LRRC8C: variants seen among roughly 807,000 people sequenced by gnomAD.
LRRC8C encodes the protein volume-regulated anion channel subunit LRRC8C.
Under a neutral mutation model 55.3 loss-of-function variants are expected in LRRC8C, and 20 were observed. The observed-to-expected ratio is 0.36, with a 90% confidence interval of 0.25 to 0.53. LRRC8C has a LOEUF of 0.53. LRRC8C is among the 20% of genes least tolerant of loss of function. LRRC8C has a pLI of 0.92. For missense variants in LRRC8C, 659 were observed against 951.4 expected, an observed-to-expected ratio of 0.69 and a Z score of 4.04; for synonymous variants, 376 against 360.7, an observed-to-expected ratio of 1.04 and a Z score of -0.48.
At chr1:89,659,061 TTGTGTGTGTG>T (rs71084956) in intron 1 of LRRC8C, among the ~76,000 whole-genome samples, 14 of 53,974 alleles carry the variant, frequency 2.6e-4, no homozygotes, top group Non-Finnish European at 5.4e-4. Flanking sequence ...TTTTTTTTTT[TTGTGTGTGTG>T]TGTGTGTGTG....
At chr1:89,622,655 A>C in the LRRC8C span, among the ~76,000 whole-genome samples, 2 of 152,016 alleles carry the variant, frequency 1.3e-5, no homozygotes, top group African/African-American at 4.8e-5. Context: ...CTTTAACATC[A>C]TGCCTGACGT....
chr1:89,632,247 G>A (rs1428826022), upstream of LRRC8C: 1 of 152,194 alleles, frequency 6.6e-6, no homozygotes, highest in Non-Finnish European at 1.5e-5. Context: ...AGAAAAGCAC[G>A]GTTCAGATCA....
At chr1:89,657,042 A>T (rs1160910566) in intron 1 of LRRC8C, among the ~76,000 whole-genome samples, 1 of 152,206 alleles carries the variant, frequency 6.6e-6, no homozygotes, top group Non-Finnish European at 1.5e-5. Context: ...CTGGCTATAA[A>T]ACATACATTG....
the LRRC8C span, among the ~76,000 whole-genome samples, chr1:89,623,137 A>G: frequency 5.5e-5 from 7 of 126,938 alleles, no homozygotes; most frequent in Admixed American, 8.8e-5. Context: ...GAAGCTATCA[A>G]CGCAACTAAC....
At chr1:89,685,425 T>A (rs1398570921) in intron 1 of LRRC8C, among the ~76,000 whole-genome samples, 3 of 152,218 alleles carry the variant, frequency 2.0e-5, no homozygotes, top group Non-Finnish European at 4.4e-5. Flanking sequence ...ATTGTCTATC[T>A]AGTTCTTAAT....
intron 1 of LRRC8C, among the ~76,000 whole-genome samples, chr1:89,643,035 AAAAT>A (rs1420981142): frequency 6.6e-6 from 1 of 150,882 alleles, no homozygotes; most frequent in Non-Finnish European, 1.5e-5. Context: ...AAAAAAAAAA[AAAAT>A]AGGTTTATTC....
chr1:89,706,276 C>T (rs6657969), intron 2 of LRRC8C: 453,451 of 455,894 alleles, frequency 0.99, 225,563 homozygotes, highest in East Asian at 1. Flanking sequence ...AAGCTGCCTT[C>T]GTTTATATGT....
At chr1:89,632,767 C>T (rs971738039), upstream of LRRC8C, 1 of 152,300 alleles carries the variant, frequency 6.6e-6, no homozygotes, top group Non-Finnish European at 1.5e-5. Context: ...CAGCCGAATC[C>T]TCCCTCAGAG....
At chr1:89,616,004 A>G in the LRRC8C span, among the ~76,000 whole-genome samples, 1 of 152,112 alleles carries the variant, frequency 6.6e-6, no homozygotes, top group African/African-American at 2.4e-5. Context: ...CCCAGGTACC[A>G]GTCCACAGAC....
At position 89,690,097 on chromosome 1, in the gene LRRC8C, T is replaced by C. The variant is rs376478779; in HGVS notation, c.138+3486T>C. ...GATGTAAAACCCAGGAGTTTGGGGT[T>C]AGTGATGGTCATTTTCAGGAGGAAC... On this transcript the variant is annotated intron_variant, in intron 2 of 2. Coordinates refer to ENST00000370454, the MANE Select transcript of LRRC8C (RefSeq NM_032270.5). Among the ~76,000 whole-genome samples, 12 of 152,230 alleles carry C rather than the reference T, an allele frequency of 7.9e-5. No individual in the cohort carries two copies. In the South Asian group the frequency reaches 1.9e-3, roughly 24 times the overall value.
upstream of LRRC8C, among the ~76,000 whole-genome samples, chr1:89,631,192 C>G (rs1336853266): frequency 3.3e-5 from 5 of 152,112 alleles, no homozygotes; most frequent in African/African-American, 1.2e-4. Flanking sequence ...AGCATATTAG[C>G]TAATTCTCAC....
intron 2 of LRRC8C, among the ~76,000 whole-genome samples, chr1:89,690,335 T>C (rs1170906207): frequency 6.6e-6 from 1 of 152,124 alleles, no homozygotes; most frequent in Non-Finnish European, 1.5e-5. Context: ...GCAGTAGGAA[T>C]TGGCAATAAG....
intron 1 of LRRC8C, among the ~76,000 whole-genome samples, chr1:89,644,663 C>T (rs2101186311): frequency 6.6e-6 from 1 of 152,298 alleles, no homozygotes; most frequent in East Asian, 1.9e-4. Flanking sequence ...GAACCTTGCT[C>T]TGTGGTTGGA....
At chr1:89,619,799 G>A in the LRRC8C span, among the ~76,000 whole-genome samples, 30 of 152,066 alleles carry the variant, frequency 2.0e-4, no homozygotes, top group Admixed American at 9.8e-4. Context: ...AATATGTCAG[G>A]CTCTGTTCTA....
chr1:89,629,486 C>T (rs1317358482), upstream of LRRC8C, among the ~76,000 whole-genome samples: 10 of 152,100 alleles, frequency 6.6e-5, no homozygotes, highest in Non-Finnish European at 1.2e-4. Flanking sequence ...CCAGCATTGA[C>T]ATCATCAAGG....
intron 1 of LRRC8C, among the ~76,000 whole-genome samples, chr1:89,655,106 C>T (rs1656904373): frequency 6.6e-6 from 1 of 152,046 alleles, no homozygotes; most frequent in South Asian, 2.1e-4. Flanking sequence ...TCTCCTTTCA[C>T]TCTTTAGTTA....
Position 89,695,491 on chromosome 1 carries a change from A to G in LRRC8C, c.138+8880A>G, listed in dbSNP as rs551867445. On this transcript the variant is annotated intron_variant, in intron 2 of 2. Coordinates refer to ENST00000370454, the MANE Select transcript of LRRC8C (RefSeq NM_032270.5). ...ATGTTGATGTTAAATGTTATAGGTG[A>G]TAGATATTGGACTCAGAAAATGCTT... Among the ~76,000 whole-genome samples the G allele has an allele frequency of 2.0e-5, 3 of 152,320 alleles. No homozygotes were observed. In the East Asian group the frequency reaches 5.8e-4, roughly 29 times the overall value.
At chr1:89,708,074 G>T (rs114093585) in intron 2 of LRRC8C, among the ~76,000 whole-genome samples, 1,941 of 151,944 alleles carry the variant, frequency 0.013, 64 homozygotes, top group African/African-American at 0.045. Flanking sequence ...TGTTCATTTT[G>T]ATTTTTTTCT....
intron 1 of LRRC8C, among the ~76,000 whole-genome samples, chr1:89,671,372 C>A (rs1486670380): frequency 1.3e-5 from 2 of 149,896 alleles, no homozygotes; most frequent in Admixed American, 6.6e-5. Context: ...AAGTGAAAAA[C>A]AGATCAAAGG....
Sources: allele counts gnomAD v4.1 joint callset (sites outside exome capture counted in the v4.1 genomes callset), GRCh38; gene constraint gnomAD v4.1.1; transcripts MANE v1.5; gene names NCBI Gene and HGNC (gene_info 2026-07-23, HGNC 2026-07-21).